Variants in VWF observed in about 807,000 individuals in gnomAD.
The protein encoded by VWF is Factor VIII related antigen.
Under a neutral mutation model 308.6 loss-of-function variants are expected in VWF, and 176 were observed. That is an observed-to-expected ratio of 0.57 (90% confidence interval 0.50 to 0.65). The LOEUF is 0.65. Among genes scored for constraint, VWF ranks in the 30% least tolerant of loss-of-function variants. The pLI is 0.00. For synonymous variants in VWF, 1,385 were observed against 1,443.4 expected, an observed-to-expected ratio of 0.96 and a Z score of 0.92; for missense variants, 3,146 against 3,648.2, an observed-to-expected ratio of 0.86 and a Z score of 3.55.
chr12:6,065,145 T>C lies in VWF; in HGVS notation c.1285A>G (p.Thr429Ala), dbSNP rs1228345297. The stretch of plus-strand genomic sequence containing the variant: ...GGGCTGGCAAAGCTCACCTGGACAG[T>C]CTCAATGACAATGGAGAAGGAGTGG... Reference protein sequence around the residue: ...QDHSFSIVIETVQCADDRDAV... With the variant: ...QDHSFSIVIEAVQCADDRDAV... The change falls in exon 11 of 52, where the codon ACT (threonine) becomes GCT (alanine). Residue 429 changes from threonine (T) to alanine (A), a missense_variant. Coordinates refer to ENST00000261405, the MANE Select transcript of VWF (RefSeq NM_000552.5). 1 of 1,614,106 alleles carries C rather than the reference T, an allele frequency of 6.2e-7. No homozygotes were observed. The highest frequency in any genetic ancestry group is 8.5e-7 in the Non-Finnish European group (1 of 1,180,008).
At chr12:6,070,720 A>G (rs1944769853) in intron 10 of VWF, among the ~76,000 whole-genome samples, 1 of 152,238 alleles carries the variant, frequency 6.6e-6, no homozygotes, top group Non-Finnish European at 1.5e-5. Context: ...TGCAGTAAAT[A>G]GAATAGAGTT....
intron 42 of VWF, among the ~76,000 whole-genome samples, chr12:5,980,323 G>C (rs1013186795): frequency 6.6e-6 from 1 of 150,562 alleles, no homozygotes; most frequent in East Asian, 2.0e-4. Flanking sequence ...TGGCACCCTT[G>C]ATCAGGTATT....
chr12:6,040,832 CA>C (rs772190771), intron 18 of VWF, among the ~76,000 whole-genome samples: 160 of 152,290 alleles, frequency 1.1e-3, no homozygotes, highest in Admixed American at 2.0e-3. Context: ...AGGCCTGGGA[CA>C]AACCAGAAAG....
At chr12:6,103,270 G>C (rs1277564056) in intron 5 of VWF, among the ~76,000 whole-genome samples, 1 of 151,986 alleles carries the variant, frequency 6.6e-6, no homozygotes, top group African/African-American at 2.4e-5. Context: ...GGAGCTTGCA[G>C]TGAGCCAATC....
Position 5,952,466 on chromosome 12 carries a change from C to G in VWF, c.8040G>C (p.Glu2680Asp), listed in dbSNP as rs1157064128. The G allele has an allele frequency of 1.2e-6, 2 of 1,614,072 alleles. No homozygotes were observed. The highest frequency in any genetic ancestry group is 1.3e-5 in the African/African-American group (1 of 74,940). The change falls in exon 49 of 52, where the codon GAG becomes GAC. Residue 2680 changes from glutamate to aspartate, a missense_variant. Glu to Asp is a conservative substitution (Grantham distance 45). Coordinates refer to ENST00000261405, the MANE Select transcript of VWF (RefSeq NM_000552.5). ...TCTTCTCCCAGAAGTACTCTCCTCT[C>G]TCATTGACCTTGCAGAAGTGAGTAT... ...GCDTHFCKVNERGEYFWEKRV... is the reference protein window; with the variant it reads ...GCDTHFCKVNDRGEYFWEKRV...
intron 21 of VWF, 55 bp downstream of exon 21, chr12:6,031,389 T>TAGGAACTTAA: frequency 6.2e-7 from 1 of 1,614,028 alleles, no homozygotes; most frequent in South Asian, 1.1e-5. Context: ...AATGTTCCTA[T>TAGGAACTTAA]TAAGTGGCAG....
intron 51 of VWF, 127 bp downstream of exon 51, chr12:5,949,659 T>C: frequency 2.0e-6 from 2 of 1,016,156 alleles, no homozygotes; most frequent in Non-Finnish European, 3.0e-6. Flanking sequence ...AAAAAAATGC[T>C]TCCAGTTTAT....
chr12:6,022,320 A>G (rs1362303495), intron 26 of VWF, among the ~76,000 whole-genome samples: 1 of 152,160 alleles, frequency 6.6e-6, no homozygotes, highest in Non-Finnish European at 1.5e-5. Flanking sequence ...TGCTCTTCTG[A>G]ATAACACCTT....
At chr12:6,064,649 G>A (rs1023467538) in intron 11 of VWF, among the ~76,000 whole-genome samples, 4 of 152,280 alleles carry the variant, frequency 2.6e-5, no homozygotes, top group East Asian at 1.9e-4. Context: ...CTGCTTCATC[G>A]TGTTCCTTGG....
At chr12:5,954,781 C>T (rs372178586) in intron 47 of VWF, among the ~76,000 whole-genome samples, 1 of 152,172 alleles carries the variant, frequency 6.6e-6, no homozygotes, top group Non-Finnish European at 1.5e-5. Context: ...ATTTCAGTTA[C>T]CACACACCAC....
intron 47 of VWF, among the ~76,000 whole-genome samples, chr12:5,963,886 A>G (rs1186152032): frequency 2.0e-5 from 3 of 152,154 alleles, no homozygotes; most frequent in Non-Finnish European, 4.4e-5. Context: ...GCAAAGTAAG[A>G]GTGTTTTAAA....
intron 47 of VWF, among the ~76,000 whole-genome samples, chr12:5,959,925 A>G (rs1943293368): frequency 2.0e-5 from 3 of 151,312 alleles, no homozygotes; most frequent in Admixed American, 1.3e-4. Flanking sequence ...GTAAAAGAAG[A>G]GCAAATTAGA....
intron 18 of VWF, among the ~76,000 whole-genome samples, 181 bp downstream of exon 18, chr12:6,044,110 C>T (rs932863917): frequency 2.0e-5 from 3 of 147,520 alleles, no homozygotes; most frequent in African/African-American, 7.6e-5. Context: ...CCCTCCCTGA[C>T]TTTGGCAGGG....
intron 47 of VWF, among the ~76,000 whole-genome samples, chr12:5,962,712 A>C (rs1318714802): frequency 6.6e-6 from 1 of 151,858 alleles, no homozygotes; most frequent in Non-Finnish European, 1.5e-5. Context: ...CACCACCCCC[A>C]GCTAATTTTT....
chr12:5,949,116 G>C lies in VWF; in HGVS notation c.8341C>G (p.Pro2781Ala). The C allele has an allele frequency of 1.2e-6, 2 of 1,614,212 alleles. No homozygotes were observed. Among genetic ancestry groups the C allele is most frequent in the Non-Finnish European group, 1.7e-6 (2 of 1,180,014 alleles). ...GTGCAGTGCAGGGCCACCTGCATGG[G>C]CTCCGTCCGTGTCGGAGAGCAGCAG... ...CSCCSPTRTE[P>A]MQVALHCTNG... The change falls in exon 52 of 52, where the codon CCC becomes GCC. Residue 2781 changes from proline to alanine, a missense_variant. This residue lies in a region of VWF where 989 missense variants were observed against 1,117.4 expected (regional missense o/e 0.89). Coordinates refer to ENST00000261405, the MANE Select transcript of VWF (RefSeq NM_000552.5).
At chr12:5,958,120 A>G (rs963233911) in intron 47 of VWF, among the ~76,000 whole-genome samples, 2 of 152,174 alleles carry the variant, frequency 1.3e-5, no homozygotes, top group African/African-American at 4.8e-5. Flanking sequence ...AAGAAAAAAA[A>G]GAAAAACTCA....
At chr12:6,005,653 C>G (rs1943917074) in intron 34 of VWF, among the ~76,000 whole-genome samples, 1 of 152,120 alleles carries the variant, frequency 6.6e-6, no homozygotes, top group Non-Finnish European at 1.5e-5. Flanking sequence ...AAAAGGGGGC[C>G]ACAATGAGAC....
Position 6,051,414 on chromosome 12 carries a change from C to T in VWF, c.2186+1129G>A, listed in dbSNP as rs1035141262. 2.6e-5 allele frequency among the ~76,000 whole-genome samples: 4 copies of T among 151,850 alleles called. No homozygotes were observed. In the South Asian group the frequency reaches 8.3e-4, roughly 32 times the overall value. On this transcript the variant is annotated intron_variant, in intron 16 of 51. Coordinates refer to ENST00000261405, the MANE Select transcript of VWF (RefSeq NM_000552.5). Reference sequence around the variant, plus strand: ...TCAAGCAATTCTCCTGCCTCAGCCTCCCAAATAGCTGGGACTACAGGCACC... The same window carrying T: ...TCAAGCAATTCTCCTGCCTCAGCCTTCCAAATAGCTGGGACTACAGGCACC...
chr12:5,967,057 A>G (rs1050115022), intron 47 of VWF, among the ~76,000 whole-genome samples: 5 of 152,232 alleles, frequency 3.3e-5, no homozygotes, highest in Non-Finnish European at 4.4e-5. Flanking sequence ...TCCCGCAATA[A>G]TAGCTTGGTT....
Sources: allele counts gnomAD v4.1 joint callset (sites outside exome capture counted in the v4.1 genomes callset), GRCh38; gene constraint gnomAD v4.1.1; regional missense constraint gnomAD v4.1.1; transcripts MANE v1.5; gene names NCBI Gene and HGNC (gene_info 2026-07-23, HGNC 2026-07-21).